The following RABEP1 variants were observed in gnomAD, a reference collection of about 807,000 sequenced individuals.
RABEP1 encodes the protein rab GTPase-binding effector protein 1.
Under a neutral mutation model 123.4 loss-of-function variants are expected in RABEP1, and 51 were observed. The observed-to-expected ratio is 0.41, with a 90% CI of 0.33 to 0.52. The LOEUF (loss-of-function observed/expected upper bound fraction) is 0.52, where lower values mean the gene tolerates loss of function less well. Among genes scored for constraint, RABEP1 ranks in the 20% least tolerant of loss-of-function variants. The pLI is 0.16. For synonymous variants in RABEP1, 347 were observed against 355.2 expected, an observed-to-expected ratio of 0.98 and a Z score of 0.26; for missense variants, 888 against 996.3, an observed-to-expected ratio of 0.89 and a Z score of 1.46.
chr17:5,330,779 T>G (rs1276753560), intron 2 of RABEP1, among the ~76,000 whole-genome samples: 1 of 152,032 alleles, frequency 6.6e-6, no homozygotes, highest in Non-Finnish European at 1.5e-5. Context: ...TCCCAACGCT[T>G]TGGGAGGCTG....
At chr17:5,362,523 A>G (rs1257977421) in intron 9 of RABEP1, among the ~76,000 whole-genome samples, 1 of 152,174 alleles carries the variant, frequency 6.6e-6, no homozygotes, top group Admixed American at 6.5e-5. Context: ...AGAAGGTGCT[A>G]TTTACTAGTT....
chr17:5,326,845 A>G (rs933543974), intron 2 of RABEP1, among the ~76,000 whole-genome samples: 4 of 152,214 alleles, frequency 2.6e-5, no homozygotes, highest in African/African-American at 9.6e-5. Context: ...TTGCTTCGTG[A>G]TGGCGATACA....
At chr17:5,361,157 T>TA (rs762298432) in intron 8 of RABEP1, 51 bp from the exon 9 acceptor site, 2 of 1,510,888 alleles carry the variant, frequency 1.3e-6, no homozygotes, top group South Asian at 1.2e-5. Flanking sequence ...TTTTTGTCTT[T>TA]AAAAACGCAG....
rs9916741 is a variant in RABEP1, at chr17:5,342,293, A to T, written c.648+4155A>T. Among the ~76,000 whole-genome samples the T allele has an allele frequency of 7.3e-3, 1,111 of 152,330 alleles. 11 individuals are homozygous for T. The highest frequency in any genetic ancestry group is 0.025 in the African/African-American group (1,059 of 41,590). On this transcript the variant is annotated intron_variant, in intron 5 of 17. Transcript: ENST00000537505. Reference sequence around the variant, plus strand: ...CTAAATAAAGATGGGCAGGGTCCTTATAGACTACATAATAAATGAGGACCT... The same window carrying T: ...CTAAATAAAGATGGGCAGGGTCCTTTTAGACTACATAATAAATGAGGACCT...
chr17:5,320,832 GC>G (rs2075348502), intron 2 of RABEP1, among the ~76,000 whole-genome samples: 1 of 152,066 alleles, frequency 6.6e-6, no homozygotes, highest in African/African-American at 2.4e-5. Flanking sequence ...AAATCACTTA[GC>G]CCCAAAGACA....
chr17:5,375,437 A>G (rs958083158), intron 13 of RABEP1, among the ~76,000 whole-genome samples: 1 of 152,094 alleles, frequency 6.6e-6, no homozygotes, highest in South Asian at 2.1e-4. Flanking sequence ...GAGGCCTGCA[A>G]TCCTAGCACT....
At chr17:5,305,536 G>A (rs925276176) in intron 1 of RABEP1, among the ~76,000 whole-genome samples, 2 of 152,096 alleles carry the variant, frequency 1.3e-5, no homozygotes, top group African/African-American at 4.8e-5. Flanking sequence ...AGGGGTATGG[G>A]TGTTTCGGTT....
At chr17:5,338,557 A>G (rs1415849619) in intron 5 of RABEP1, among the ~76,000 whole-genome samples, 2 of 152,180 alleles carry the variant, frequency 1.3e-5, no homozygotes, top group African/African-American at 4.8e-5. Flanking sequence ...AACAGGAGCG[A>G]AATTCTGTCT....
intron 2 of RABEP1, among the ~76,000 whole-genome samples, chr17:5,309,631 C>T (rs532872757): frequency 1.6e-4 from 23 of 139,600 alleles, no homozygotes; most frequent in Admixed American, 3.1e-4. Context: ...CCAGCGTGGG[C>T]GACAAGAGTG....
chr17:5,380,239 G>A (rs1325344158), intron 15 of RABEP1, 125 bp from the exon 16 acceptor site: 1 of 631,308 alleles, frequency 1.6e-6, no homozygotes, highest in East Asian at 2.8e-5. Flanking sequence ...CTGAAAGGGT[G>A]AGAGGAGTAT....
intron 1 of RABEP1, among the ~76,000 whole-genome samples, chr17:5,293,359 C>T (rs1475985191): frequency 2.6e-5 from 4 of 151,866 alleles, no homozygotes; most frequent in Admixed American, 1.3e-4. Context: ...TCTTCATAGA[C>T]ATTGGCCTTT....
At chr17:5,354,251 T>C in intron 7 of RABEP1, 108 bp from the exon 8 acceptor site, 1 of 1,026,800 alleles carries the variant, frequency 9.7e-7, no homozygotes, top group Non-Finnish European at 1.4e-6. Flanking sequence ...TATCCAGTTT[T>C]CTCTTATCAT....
intron 9 of RABEP1, 83 bp from the exon 10 acceptor site, chr17:5,362,829 A>G: frequency 3.4e-6 from 3 of 889,338 alleles, no homozygotes; most frequent in South Asian, 1.4e-5. Context: ...ACTGACTACC[A>G]TTGGTAAGAC....
At chr17:5,367,354 G>T (rs568225580) in intron 11 of RABEP1, among the ~76,000 whole-genome samples, 4 of 150,798 alleles carry the variant, frequency 2.7e-5, no homozygotes, top group South Asian at 2.1e-4. Flanking sequence ...TCACTGCAAC[G>T]TCTGCCTCCC....
At chr17:5,352,404 G>A (rs919691423) in intron 7 of RABEP1, among the ~76,000 whole-genome samples, 2 of 151,514 alleles carry the variant, frequency 1.3e-5, no homozygotes, top group African/African-American at 4.8e-5. Flanking sequence ...CGTTGCCCAG[G>A]CTGGTCTCAA....
intron 2 of RABEP1, among the ~76,000 whole-genome samples, chr17:5,318,129 C>T (rs1373571498): frequency 6.6e-6 from 1 of 152,130 alleles, no homozygotes; most frequent in African/African-American, 2.4e-5. Context: ...ACAAATTAAT[C>T]AAACCTAAGG....
In RABEP1 at chr17:5,384,487, G is replaced by T; in HGVS notation, c.*1264G>T. 4.6e-6 allele frequency: 1 copy of T among 216,742 alleles called. No individual in the cohort carries two copies. The highest frequency in any genetic ancestry group is 9.3e-6 in the Non-Finnish European group (1 of 107,778). 13.4% of individuals were successfully genotyped at this position (216,742 alleles called of 1,614,324 possible). ...TTGAGACTGGTTGCATAACAGCAGG[G>T]TACCTGAAAGAGCCTTCTGGGAGTT... On this transcript the variant is annotated 3_prime_UTR_variant, in exon 18 of 18. Coordinates refer to ENST00000537505, the MANE Select transcript of RABEP1 (RefSeq NM_004703.6).
At chr17:5,293,101 C>G (rs2075048074) in intron 1 of RABEP1, among the ~76,000 whole-genome samples, 1 of 152,046 alleles carries the variant, frequency 6.6e-6, no homozygotes, top group African/African-American at 2.4e-5. Flanking sequence ...ACCAGCCTGA[C>G]TAACATGAAA....
chr17:5,358,330 T>G (rs1486052736), intron 8 of RABEP1, among the ~76,000 whole-genome samples: 1 of 152,208 alleles, frequency 6.6e-6, no homozygotes, highest in Admixed American at 6.5e-5. Flanking sequence ...TCATTATGGA[T>G]GCATCTGATT....
Sources: gnomAD v4.1 joint callset for allele counts (sites outside exome capture counted in the v4.1 genomes callset) on GRCh38, gnomAD v4.1.1 for gene constraint, MANE v1.5 for transcripts, NCBI Gene and HGNC (gene_info 2026-07-23, HGNC 2026-07-21) for gene names.